The following SYT17 variants were observed in gnomAD, a reference collection of about 807,000 sequenced individuals.
The protein encoded by SYT17 is synaptotagmin-17.
In SYT17, 22 loss-of-function variants were observed where a neutral mutation model predicts 46.7. The observed-to-expected ratio is 0.47, with a 90% CI of 0.34 to 0.67. The LOEUF is 0.67. Among genes scored for constraint, SYT17 ranks in the 30% least tolerant of loss-of-function variants. The probability of loss-of-function intolerance (pLI) is 0.01; values close to 1 mark genes in which losing one functional copy is unlikely to be tolerated. For missense variants in SYT17, 519 were observed against 612.8 expected (o/e 0.85, Z 1.62); for synonymous variants, 251 against 248.4 (o/e 1.01, Z -0.10).
intron 5 of SYT17, among the ~76,000 whole-genome samples, chr16:19,187,889 T>C (rs2352977): frequency 0.32 from 48,063 of 151,870 alleles, 7,720 homozygotes; most frequent in South Asian, 0.35. Context: ...TTGGTGGGAG[T>C]GTAAATTAGT....
intron 5 of SYT17, among the ~76,000 whole-genome samples, chr16:19,210,703 A>T (rs1170307131): frequency 6.6e-6 from 1 of 152,280 alleles, no homozygotes; most frequent in East Asian, 1.9e-4. Context: ...CTTTTTAAAA[A>T]ATCCATTTCT....
chr16:19,193,010 C>G (rs542671795), intron 5 of SYT17, among the ~76,000 whole-genome samples: 1 of 152,174 alleles, frequency 6.6e-6, no homozygotes, highest in Non-Finnish European at 1.5e-5. Context: ...CCGAGAAACA[C>G]TGGGTGGCTG....
rs201090966 is a variant in SYT17 at position 19,228,218 on chromosome 16, C to T, written c.1228+3380C>T. The stretch of plus-strand genomic sequence containing the variant: ...ACTACAAGGGTAGCCACACCACACC[C>T]CCTCTCCATACATCTTTTATTCAAC... On this transcript the variant is annotated intron_variant, in intron 7 of 7. Coordinates refer to ENST00000355377, the MANE Select transcript of SYT17 (RefSeq NM_016524.4). Among the ~76,000 whole-genome samples, 26 of 152,224 alleles carry T rather than the reference C, an allele frequency of 1.7e-4. No individual in the cohort carries two copies. In the East Asian group the frequency reaches 4.8e-3, roughly 28 times the overall value.
chr16:19,250,186 A>G, intron 7 of SYT17: 1 of 1,114,376 alleles, frequency 9.0e-7, no homozygotes, highest in Non-Finnish European at 1.2e-6. Flanking sequence ...CCATATTTCT[A>G]CCCATCAGAT....
intron 5 of SYT17, among the ~76,000 whole-genome samples, chr16:19,195,421 G>C (rs937680183): frequency 2.1e-5 from 3 of 145,314 alleles, no homozygotes; most frequent in African/African-American, 7.7e-5. Flanking sequence ...TTTTTTAAGA[G>C]ATTGGGGAGT....
At chr16:19,185,524 G>A (rs550988088) in intron 5 of SYT17, among the ~76,000 whole-genome samples, 22 of 152,200 alleles carry the variant, frequency 1.4e-4, no homozygotes, top group African/African-American at 5.1e-4. Context: ...CAGAGTTTGA[G>A]GCTGCAGTGA....
Position 19,181,678 on chromosome 16 carries a change from A to T in SYT17, c.331+1139A>T, listed in dbSNP as rs1455281171. On this transcript the variant is annotated intron_variant, in intron 4 of 7. Transcript: ENST00000355377. ...CTGATGTTCTGTAAGTGCAAAATAC[A>T]TACTGGACTTTCAGGACAGTGAGGA... Among the ~76,000 whole-genome samples, 5 of 149,454 alleles carry T rather than the reference A, an allele frequency of 3.3e-5. No individual in the cohort carries two copies. The East Asian group carries it at 9.8e-4, about 29-fold the overall frequency.
At chr16:19,237,868 C>T (rs1966870173) in intron 7 of SYT17, among the ~76,000 whole-genome samples, 2 of 152,242 alleles carry the variant, frequency 1.3e-5, no homozygotes, top group Admixed American at 1.3e-4. Context: ...CGTGTCACCC[C>T]ACTATGGCCA....
chr16:19,193,140 G>A (rs1965094274), intron 5 of SYT17, among the ~76,000 whole-genome samples: 1 of 152,244 alleles, frequency 6.6e-6, no homozygotes, highest in Non-Finnish European at 1.5e-5. Flanking sequence ...GGTTTCATAA[G>A]CTGGCGTGGC....
chr16:19,177,611 C>T (rs1964366168), intron 3 of SYT17, among the ~76,000 whole-genome samples: 1 of 152,186 alleles, frequency 6.6e-6, no homozygotes, highest in African/African-American at 2.4e-5. Context: ...AACCATGGGA[C>T]TTGCCTCTGT....
rs1021525293 is a variant in SYT17, at chr16:19,250,289, G to C, written c.1229-16591G>C. Among the ~76,000 whole-genome samples, 5 of 150,712 alleles carry C rather than the reference G, an allele frequency of 3.3e-5. No individual in the cohort carries two copies. In the East Asian group the frequency reaches 7.8e-4, roughly 24 times the overall value. Reference sequence around the variant, plus strand: ...TTTATCATACATTTCAAAGTCAGTTGCTGATGTTAATCCCATTTCAATGTG... The same window carrying C: ...TTTATCATACATTTCAAAGTCAGTTCCTGATGTTAATCCCATTTCAATGTG... On this transcript the variant is annotated intron_variant, in intron 7 of 7. Transcript: ENST00000355377.
intron 7 of SYT17, among the ~76,000 whole-genome samples, chr16:19,241,237 G>A (rs545749409): frequency 1.8e-4 from 27 of 152,072 alleles, no homozygotes; most frequent in African/African-American, 6.0e-4. Context: ...GTGAGCCACC[G>A]CGCCCGGCCC....
At chr16:19,172,297 T>C in intron 1 of SYT17, 1 of 1,289,666 alleles carries the variant, frequency 7.8e-7, no homozygotes, top group African/African-American at 1.5e-5. Context: ...AATTGGAAGG[T>C]AGGGCCTCCG....
At chr16:19,206,175 A>G (rs992676431) in intron 5 of SYT17, among the ~76,000 whole-genome samples, 35 of 152,254 alleles carry the variant, frequency 2.3e-4, no homozygotes, top group Non-Finnish European at 4.1e-4. Flanking sequence ...AATTCTGGGG[A>G]AAACTACATT....
At chr16:19,222,940 C>T (rs1044798041) in intron 5 of SYT17, 105 bp from the exon 6 acceptor site, 28 of 1,493,836 alleles carry the variant, frequency 1.9e-5, no homozygotes, top group Non-Finnish European at 2.5e-5. Flanking sequence ...AACTGATGCG[C>T]TCACAGCAAC....
At chr16:19,218,327 T>C (rs1033956264) in intron 5 of SYT17, among the ~76,000 whole-genome samples, 13 of 152,106 alleles carry the variant, frequency 8.5e-5, no homozygotes, top group African/African-American at 3.1e-4. Context: ...CTCCCCTGAC[T>C]CCAGACAACA....
At chr16:19,186,461 T>A (rs955674397) in intron 5 of SYT17, among the ~76,000 whole-genome samples, 2 of 152,118 alleles carry the variant, frequency 1.3e-5, no homozygotes, top group Non-Finnish European at 2.9e-5. Context: ...TCCAGCCTGG[T>A]CAATAGAGTG....
intron 5 of SYT17, among the ~76,000 whole-genome samples, chr16:19,221,678 G>T (rs1029866451): frequency 6.6e-6 from 1 of 152,096 alleles, no homozygotes; most frequent in East Asian, 1.9e-4. Flanking sequence ...GAGCCGCTGG[G>T]TATTGTGCTA....
At chr16:19,196,400 A>G (rs1211379646) in intron 5 of SYT17, among the ~76,000 whole-genome samples, 1 of 151,200 alleles carries the variant, frequency 6.6e-6, no homozygotes, top group Non-Finnish European at 1.5e-5. Flanking sequence ...GCACCACCAC[A>G]CCCGGTTAAT....
Sources: gnomAD v4.1 joint callset for allele counts (sites outside exome capture counted in the v4.1 genomes callset) on GRCh38, gnomAD v4.1.1 for gene constraint, MANE v1.5 for transcripts, NCBI Gene and HGNC (gene_info 2026-07-23, HGNC 2026-07-21) for gene names.